ARHGEF7: variants seen among roughly 807,000 people sequenced by gnomAD.
ARHGEF7 encodes Rho guanine nucleotide exchange factor 7, also known as PAK-interacting exchange factor beta.
Under a neutral mutation model 109.8 loss-of-function variants are expected in ARHGEF7, and 33 were observed. That is an observed-to-expected ratio of 0.30 (90% CI 0.23 to 0.40). The LOEUF (loss-of-function observed/expected upper bound fraction) is 0.40. ARHGEF7 is among the 10% of genes least tolerant of loss of function. ARHGEF7 has a pLI of 1.00. For missense variants in ARHGEF7, 938 were observed against 1,098.5 expected, an observed-to-expected ratio of 0.85 and a Z score of 2.07; for synonymous variants, 458 against 424.6, an observed-to-expected ratio of 1.08 and a Z score of -0.97.
intron 8 of ARHGEF7, among the ~76,000 whole-genome samples, chr13:111,256,248 C>T (rs1401349973): frequency 2.0e-5 from 3 of 152,188 alleles, no homozygotes; most frequent in Non-Finnish European, 2.9e-5. Context: ...ATAGACCAAA[C>T]GTTCAGGAAA....
In ARHGEF7 at chr13:111,255,170, C is replaced by T. The variant is rs1321487000; in HGVS notation, c.950+10876C>T. On this transcript the variant is annotated intron_variant, in intron 8 of 21. Transcript: ENST00000646102. This position sits in a 1 kb window ranked among gnomAD's most constrained non-coding sequence, Gnocchi z 4.1. Reference sequence around the variant, plus strand: ...GCCCAGAAGAGGATTCGGGCTAAGGCGCTGAGTCGCTAACGTGAAGGCCGG... The same window carrying T: ...GCCCAGAAGAGGATTCGGGCTAAGGTGCTGAGTCGCTAACGTGAAGGCCGG... Among the ~76,000 whole-genome samples the T allele has an allele frequency of 2.0e-5, 3 of 148,448 alleles. No homozygotes were observed. The highest frequency in any genetic ancestry group is 4.5e-5 in the Non-Finnish European group (3 of 67,278).
intron 1 of ARHGEF7, among the ~76,000 whole-genome samples, chr13:111,133,123 T>G (rs905320162): frequency 6.6e-6 from 1 of 152,074 alleles, no homozygotes. Flanking sequence ...ATCTACACAT[T>G]TATACACGTG....
At chr13:111,283,046 T>A (rs2092852659) in intron 15 of ARHGEF7, 93 bp from the exon 16 acceptor site, 1 of 1,401,070 alleles carries the variant, frequency 7.1e-7, no homozygotes, top group East Asian at 2.5e-5. Context: ...ATGGAGTGTT[T>A]AAAGAGCAGA....
chr13:111,114,628 GCAGCCAGGCGCCCGGCC>G (rs1301273717), upstream of ARHGEF7: 1 of 152,548 alleles, frequency 6.6e-6, no homozygotes, highest in Non-Finnish European at 1.5e-5. Context: ...TCCCCGAGAC[GCAGCCAGGCGCCCGGCC>G]CGGCCCGGCC....
chr13:111,175,106 T>A (rs1335841772), intron 2 of ARHGEF7, among the ~76,000 whole-genome samples: 1 of 152,232 alleles, frequency 6.6e-6, no homozygotes, highest in Non-Finnish European at 1.5e-5. Flanking sequence ...GACGAGCTTC[T>A]CTAAATTGAA....
At chr13:111,155,619 G>C (rs2076255885) in intron 2 of ARHGEF7, among the ~76,000 whole-genome samples, 1 of 152,130 alleles carries the variant, frequency 6.6e-6, no homozygotes, top group South Asian at 2.1e-4. Context: ...AATATGCCTT[G>C]CTAGTGGCAG....
At chr13:111,155,740 T>A (rs2076267946) in intron 2 of ARHGEF7, among the ~76,000 whole-genome samples, 1 of 152,246 alleles carries the variant, frequency 6.6e-6, no homozygotes, top group Non-Finnish European at 1.5e-5. Context: ...ACATTAAGAT[T>A]ATCTGACTTT....
intron 20 of ARHGEF7, 28 bp from the exon 21 acceptor site, chr13:111,301,448 CAT>C (rs1491279756): frequency 5.0e-6 from 8 of 1,599,708 alleles, no homozygotes; most frequent in African/African-American, 1.3e-5. Flanking sequence ...TCACCTTGTT[CAT>C]GTGTGTGTGT....
intron 9 of ARHGEF7, 82 bp downstream of exon 9, chr13:111,267,752 A>G: frequency 2.0e-6 from 3 of 1,526,418 alleles, no homozygotes; most frequent in Non-Finnish European, 2.7e-6. Context: ...GTATGATGCT[A>G]ATAGTCCCTT....
intron 12 of ARHGEF7, among the ~76,000 whole-genome samples, chr13:111,276,691 T>C (rs2092504560): frequency 6.6e-6 from 1 of 152,212 alleles, no homozygotes; most frequent in African/African-American, 2.4e-5. Flanking sequence ...CAATGTATGT[T>C]GTGATTCTTC....
In ARHGEF7 at chr13:111,141,327, T is replaced by G. The variant is rs140870615; in HGVS notation, c.166-12578T>G. 4.6e-3 allele frequency among the ~76,000 whole-genome samples: 702 copies of G among 151,832 alleles called. 3 individuals are homozygous for G. Among genetic ancestry groups the G allele is most frequent in the Middle Eastern group, 0.014 (4 of 294 alleles). ...GTCATCCCTCCCTCAACTCAACCCCTGGCAACTGTTGATCTTTTTACCGTC... is the reference window on the plus strand; with the variant it reads ...GTCATCCCTCCCTCAACTCAACCCCGGGCAACTGTTGATCTTTTTACCGTC... On this transcript the variant is annotated intron_variant, in intron 1 of 21. Transcript: ENST00000646102.
intron 8 of ARHGEF7, among the ~76,000 whole-genome samples, chr13:111,244,801 A>G (rs2088493089): frequency 6.6e-6 from 1 of 152,252 alleles, no homozygotes; most frequent in Admixed American, 6.5e-5. Context: ...GCTCAGACAC[A>G]TCTTTATTAA....
chr13:111,165,039 C>T (rs778311878), intron 2 of ARHGEF7, among the ~76,000 whole-genome samples: 3 of 152,078 alleles, frequency 2.0e-5, no homozygotes, highest in Non-Finnish European at 2.9e-5. Flanking sequence ...GATGGGAAGT[C>T]GGAGTCAGCT....
At chr13:111,115,728 G>T in intron 1 of ARHGEF7, 37 bp downstream of exon 1, 11 of 1,113,898 alleles carry the variant, frequency 9.9e-6, no homozygotes, top group Non-Finnish European at 1.1e-5. Context: ...GCGCCCCCCG[G>T]TCCGGCCCGC....
At chr13:111,148,005 C>G (rs775926277) in intron 1 of ARHGEF7, among the ~76,000 whole-genome samples, 1 of 152,192 alleles carries the variant, frequency 6.6e-6, no homozygotes, top group Non-Finnish European at 1.5e-5. Context: ...CCGAGGTCAC[C>G]TTTTATGCTG....
chr13:111,296,381 G>C (rs1007130520), intron 19 of ARHGEF7, among the ~76,000 whole-genome samples: 7 of 152,152 alleles, frequency 4.6e-5, no homozygotes, highest in Non-Finnish European at 1.0e-4. Flanking sequence ...GCCCCCTGGG[G>C]TCTCCAGTCG....
chr13:111,212,311 C>G (rs1253299499), intron 4 of ARHGEF7, among the ~76,000 whole-genome samples: 2 of 152,170 alleles, frequency 1.3e-5, no homozygotes. Flanking sequence ...TGAACTAAAT[C>G]GAGCTCTTTA....
In ARHGEF7 at chr13:111,221,349, AT is replaced by A. The variant is rs2084006244; in HGVS notation, c.670+3470del. On this transcript the variant is annotated intron_variant, in intron 5 of 21. Coordinates refer to ENST00000646102, the MANE Select transcript of ARHGEF7 (RefSeq NM_001354046.2). ...TATATGTCTATATATATCTATATAT[AT>A]GTCTATATATATATCTATATATATA... Among the ~76,000 whole-genome samples, 31 of 23,894 alleles carry A rather than the reference AT, an allele frequency of 1.3e-3. 8 individuals carry two copies. The highest frequency in any genetic ancestry group is 1.9e-3 in the African/African-American group (14 of 7,354). 15.7% of individuals were successfully genotyped at this position (23,894 alleles called of 152,430 possible). A position where few individuals can be genotyped will look rare whatever the true frequency, so the allele number is the denominator to read the frequency against.
intron 19 of ARHGEF7, chr13:111,294,663 C>G: frequency 3.0e-6 from 3 of 985,430 alleles, no homozygotes; most frequent in Non-Finnish European, 3.6e-6. Flanking sequence ...AGACAGTTCT[C>G]CTGTGGCAGT....
Sources: gnomAD v4.1 joint callset for allele counts (sites outside exome capture counted in the v4.1 genomes callset) on GRCh38, gnomAD v4.1.1 for gene constraint, Gnocchi (gnomAD v3.1) non-coding constraint, MANE v1.5 for transcripts, NCBI Gene and HGNC (gene_info 2026-07-23, HGNC 2026-07-21) for gene names.